KIAA1217: variants seen among roughly 807,000 people sequenced by gnomAD.
KIAA1217 encodes sickle tail protein homolog.
KIAA1217 carries 88 observed loss-of-function variants against 163.9 expected under a neutral mutation model. The ratio of observed to expected loss-of-function variants is 0.54; its 90% confidence interval spans 0.45 to 0.64. The LOEUF (loss-of-function observed/expected upper bound fraction) is 0.64, where lower values mean the gene tolerates loss of function less well. Among genes scored for constraint, KIAA1217 ranks in the 30% least tolerant of loss-of-function variants. KIAA1217 has a pLI of 0.00. For missense variants in KIAA1217, 2,372 were observed against 2,475.0 expected (o/e 0.96, Z 0.88); for synonymous variants, 903 against 923.1 (o/e 0.98, Z 0.39).
intron 2 of KIAA1217, among the ~76,000 whole-genome samples, chr10:24,125,320 C>CTG (rs1491130955): frequency 7.6e-5 from 7 of 92,176 alleles, no homozygotes; most frequent in Admixed American, 2.2e-4. Context: ...GAATCCTATG[C>CTG]TCTGTGTGTG....
intron 2 of KIAA1217, among the ~76,000 whole-genome samples, chr10:24,273,130 G>C (rs2076927418): frequency 6.6e-6 from 1 of 152,214 alleles, no homozygotes; most frequent in Non-Finnish European, 1.5e-5. Context: ...TTTTCTGAAT[G>C]AATGAGATGC....
chr10:23,841,791 C>T (rs115677618), intron 1 of KIAA1217, among the ~76,000 whole-genome samples: 3,531 of 152,058 alleles, frequency 0.023, 144 homozygotes, highest in African/African-American at 0.08. Flanking sequence ...CAAAGGGTAA[C>T]TTAGGTACCC....
chr10:24,133,498 G>C (rs2063728646), intron 2 of KIAA1217, among the ~76,000 whole-genome samples: 1 of 151,802 alleles, frequency 6.6e-6, no homozygotes, highest in African/African-American at 2.4e-5. Flanking sequence ...CTTGAGCCCA[G>C]GAGGCAGAGG....
intron 2 of KIAA1217, among the ~76,000 whole-genome samples, chr10:24,120,194 G>C (rs904488936): frequency 1.6e-4 from 25 of 152,148 alleles, no homozygotes; most frequent in Non-Finnish European, 7.4e-5. Flanking sequence ...CAGACCTATA[G>C]ATGTCCTTTA....
intron 1 of KIAA1217, among the ~76,000 whole-genome samples, chr10:23,838,108 T>C (rs934538451): frequency 6.6e-6 from 1 of 152,182 alleles, no homozygotes; most frequent in Non-Finnish European, 1.5e-5. Flanking sequence ...TTATAATTTG[T>C]TTAATGATTG....
chr10:24,277,907 A>G (rs2132125891), intron 2 of KIAA1217, among the ~76,000 whole-genome samples: 1 of 152,280 alleles, frequency 6.6e-6, no homozygotes, highest in East Asian at 1.9e-4. Context: ...ACTGCCAGCA[A>G]TCAGCTGGGA....
chr10:24,352,872 G>A (rs2048627523), intron 2 of KIAA1217, among the ~76,000 whole-genome samples: 1 of 152,148 alleles, frequency 6.6e-6, no homozygotes, highest in African/African-American at 2.4e-5. Flanking sequence ...TAAAGTGCAA[G>A]CGAAAGGAGG....
chr10:23,831,944 CA>C (rs1369683027), intron 1 of KIAA1217, among the ~76,000 whole-genome samples: 3 of 152,134 alleles, frequency 2.0e-5, no homozygotes, highest in Non-Finnish European at 4.4e-5. Flanking sequence ...TACCCTCATG[CA>C]CCACTCAACA....
intron 1 of KIAA1217, among the ~76,000 whole-genome samples, chr10:23,889,462 C>G (rs941585225): frequency 5.3e-5 from 8 of 151,980 alleles, no homozygotes; most frequent in Non-Finnish European, 1.0e-4. Context: ...TATCCGTTCT[C>G]ATCTTTTCCC....
chr10:23,863,326 A>T (rs1340392687), intron 1 of KIAA1217, among the ~76,000 whole-genome samples: 1 of 152,194 alleles, frequency 6.6e-6, no homozygotes, highest in East Asian at 1.9e-4. Flanking sequence ...CTATGGTTTG[A>T]ATGTGTCTCC....
At chr10:23,959,752 T>C (rs1221764740) in intron 1 of KIAA1217, among the ~76,000 whole-genome samples, 4 of 151,924 alleles carry the variant, frequency 2.6e-5, no homozygotes, top group Non-Finnish European at 5.9e-5. Context: ...ATTAAGTGGG[T>C]GATTAACTCG....
rs114406167 is a variant in KIAA1217 at position 24,471,509 on chromosome 10, A to G, written c.847-1719A>G. ...TTCTACTCCCTTGCTAAACACAGTAACATAGTTGCAAATTACAGTTGACCA... is the reference window on the plus strand; with the variant it reads ...TTCTACTCCCTTGCTAAACACAGTAGCATAGTTGCAAATTACAGTTGACCA... On this transcript the variant is annotated intron_variant, in intron 5 of 20. Transcript: ENST00000376454. Among the ~76,000 whole-genome samples the G allele has an allele frequency of 6.0e-3, 920 of 152,172 alleles. 11 individuals carry two copies. Among genetic ancestry groups the G allele is most frequent in the African/African-American group, 0.021 (864 of 41,496 alleles).
chr10:24,007,981 CT>C (rs1470985787), intron 2 of KIAA1217, among the ~76,000 whole-genome samples: 3 of 152,174 alleles, frequency 2.0e-5, no homozygotes, highest in Non-Finnish European at 1.5e-5. Flanking sequence ...TAATCCCCAA[CT>C]TTAGCATATT....
chr10:23,935,820 A>G (rs1420692540), intron 1 of KIAA1217, among the ~76,000 whole-genome samples: 1 of 152,220 alleles, frequency 6.6e-6, no homozygotes, highest in East Asian at 1.9e-4. Context: ...ATGAGTTTCA[A>G]ACATTTTTTA....
At chr10:23,969,542 G>A (rs1339384809) in intron 1 of KIAA1217, among the ~76,000 whole-genome samples, 1 of 152,146 alleles carries the variant, frequency 6.6e-6, no homozygotes, top group Non-Finnish European at 1.5e-5. Context: ...TGCATTTTGA[G>A]CATCTTTTCA....
intron 2 of KIAA1217, among the ~76,000 whole-genome samples, chr10:24,085,708 C>T (rs550526976): frequency 6.6e-6 from 1 of 152,156 alleles, no homozygotes; most frequent in South Asian, 2.1e-4. Flanking sequence ...CATGGTAGCT[C>T]ACGCCTATGG....
At chr10:24,316,566 C>T (rs2043402024) in intron 2 of KIAA1217, among the ~76,000 whole-genome samples, 1 of 152,170 alleles carries the variant, frequency 6.6e-6, no homozygotes, top group Admixed American at 6.5e-5. Flanking sequence ...CGATCAACTC[C>T]TGACACACCC....
At chr10:24,074,831 C>T (rs1486673218) in intron 2 of KIAA1217, among the ~76,000 whole-genome samples, 1 of 151,652 alleles carries the variant, frequency 6.6e-6, no homozygotes, top group Admixed American at 6.6e-5. Flanking sequence ...CCCTAAGTAG[C>T]TGACACTACA....
chr10:24,374,409 T>C (rs370740166), intron 2 of KIAA1217, among the ~76,000 whole-genome samples: 2 of 152,304 alleles, frequency 1.3e-5, no homozygotes, highest in Admixed American at 6.5e-5. Flanking sequence ...TGTGTGTATA[T>C]TGTACTGTAG....
Sources: gnomAD v4.1 joint callset for allele counts (sites outside exome capture counted in the v4.1 genomes callset) on GRCh38, gnomAD v4.1.1 for gene constraint, MANE v1.5 for transcripts, NCBI Gene and HGNC (gene_info 2026-07-23, HGNC 2026-07-21) for gene names.